Variants in PARP10 observed in about 807,000 individuals in gnomAD.
PARP10 encodes the protein protein mono-ADP-ribosyltransferase PARP10.
Under a neutral mutation model 82.4 loss-of-function variants are expected in PARP10, and 56 were observed. The observed-to-expected ratio is 0.68, with a 90% CI of 0.55 to 0.85. The LOEUF (loss-of-function observed/expected upper bound fraction) is 0.85. Ranked by LOEUF, PARP10 falls within the 40% of genes least tolerant of loss-of-function variation. The pLI is 0.00. For synonymous variants in PARP10, 576 were observed against 601.1 expected (o/e 0.96, Z 0.61); for missense variants, 1,227 against 1,379.4 (o/e 0.89, Z 1.75).
At chr8:143,980,750 A>T (rs1833832631) in intron 9 of PARP10, among the ~76,000 whole-genome samples, 1 of 152,178 alleles carries the variant, frequency 6.6e-6, no homozygotes, top group South Asian at 2.1e-4. Context: ...AAGAAAAGCC[A>T]TTAGCCTTGA....
upstream of PARP10, chr8:143,992,637 C>A (rs927161722): frequency 2.5e-6 from 4 of 1,613,822 alleles, no homozygotes; most frequent in Admixed American, 5.0e-5. Context: ...TGGCCGGGGG[C>A]GGGATGCTGG....
At chr8:143,999,118 T>G (rs893068142) in intron 1 of PARP10, among the ~76,000 whole-genome samples, 2 of 152,032 alleles carry the variant, frequency 1.3e-5, no homozygotes, top group African/African-American at 4.8e-5. Flanking sequence ...CATGGCTCAC[T>G]GCAGCCTCAA....
At chr8:143,981,360 G>A (rs1833851715) in intron 9 of PARP10, among the ~76,000 whole-genome samples, 1 of 124,400 alleles carries the variant, frequency 8.0e-6, no homozygotes, top group African/African-American at 2.9e-5. Context: ...TGGTGATGAT[G>A]GTGGTGACGA....
chr8:143,999,342 A>C (rs1216978241), intron 1 of PARP10, among the ~76,000 whole-genome samples: 1 of 151,990 alleles, frequency 6.6e-6, no homozygotes, highest in East Asian at 1.9e-4. Context: ...AGCTGGGACC[A>C]CAGGCATGCA....
At chr8:143,980,797 T>A (rs530616260) in intron 9 of PARP10, among the ~76,000 whole-genome samples, 1 of 152,286 alleles carries the variant, frequency 6.6e-6, no homozygotes, top group East Asian at 1.9e-4. Context: ...AGAATTTTAA[T>A]AACTAGGATT....
Position 143,985,082 on chromosome 8 carries a change from G to C in PARP10, c.920C>G (p.Ser307Cys), listed in dbSNP as rs782248310. Residue 307 changes from serine to cysteine, a missense_variant, in exon 5 of 11, where the codon TCT becomes TGT. By Grantham distance (112) the Ser-to-Cys change is moderately radical (BLOSUM62 -1). Coordinates refer to ENST00000313028, the MANE Select transcript of PARP10 (RefSeq NM_032789.5). The stretch of plus-strand genomic sequence containing the variant: ...CTGCACCATGGGACCTGTCCTCAGA[G>C]AGGCCCCTGACTGCCCTGGTTCCTC... ...SGEEPGQSGASLRTGPMVQGR... is the reference protein window; with the variant it reads ...SGEEPGQSGACLRTGPMVQGR... 6.2e-7 allele frequency: 1 copy of C among 1,613,940 alleles called. No individual in the cohort carries two copies. Among genetic ancestry groups the C allele is most frequent in the South Asian group, 1.1e-5 (1 of 91,086 alleles).
upstream of PARP10, chr8:143,992,001 GTCT>G (rs1310697764): frequency 6.2e-7 from 1 of 1,613,858 alleles, no homozygotes; most frequent in Admixed American, 1.7e-5. Context: ...CTCCTATGCT[GTCT>G]TCTTCATCTC....
chr8:143,994,563 T>A (rs377219941), upstream of PARP10, among the ~76,000 whole-genome samples: 775 of 152,300 alleles, frequency 5.1e-3, 5 homozygotes, highest in Middle Eastern at 0.014. Flanking sequence ...GTTGTCCTTT[T>A]GCCTCTCAGC....
intron 1 of PARP10, among the ~76,000 whole-genome samples, chr8:143,996,953 C>G (rs1449859204): frequency 6.6e-6 from 1 of 151,962 alleles, no homozygotes; most frequent in Middle Eastern, 3.2e-3. Flanking sequence ...GGTGATGGTG[C>G]AGGCAGGGAG....
intron 3 of PARP10, 31 bp downstream of exon 3, chr8:143,985,690 C>T (rs782276514): frequency 6.2e-7 from 1 of 1,602,572 alleles, no homozygotes; most frequent in East Asian, 2.2e-5. Flanking sequence ...TCCCCCCTAG[C>T]CAGCACCTCA....
intron 1 of PARP10, among the ~76,000 whole-genome samples, chr8:144,004,069 T>G (rs1834219696): frequency 6.6e-6 from 1 of 151,968 alleles, no homozygotes; most frequent in Non-Finnish European, 1.5e-5. Flanking sequence ...TCCCAGCACT[T>G]TGGGAAGCCA....
At position 143,984,327 on chromosome 8, in the gene PARP10, G is replaced by A. The variant is rs1288108201; in HGVS notation, c.1563C>T (p.Ala521=). ...HVLCLEHPGS[A]RFLLGPEGQH... is the part of the protein sequence containing the mutation. ...GCCCTTCTGGGCCCAGGAGAAACCT[G>A]GCGCTGCCCGGGTGCTCCAGGCACA... The change falls in exon 6 of 11, where the codon GCC becomes GCT. Residue 521 remains alanine, a synonymous_variant. Coordinates refer to ENST00000313028, the MANE Select transcript of PARP10 (RefSeq NM_032789.5). 1.2e-6 allele frequency: 2 copies of A among 1,613,782 alleles called. No individual in the cohort carries two copies. Among genetic ancestry groups the A allele is most frequent in the African/African-American group, 2.7e-5 (2 of 74,928 alleles).
At chr8:144,001,965 A>G (rs1834206369) in intron 1 of PARP10, among the ~76,000 whole-genome samples, 1 of 151,576 alleles carries the variant, frequency 6.6e-6, no homozygotes, top group African/African-American at 2.4e-5. Context: ...TTAAATATCA[A>G]AGTTCTTACC....
At chr8:143,999,508 ATTTTAT>A (rs1337961280) in intron 1 of PARP10, among the ~76,000 whole-genome samples, 1 of 151,926 alleles carries the variant, frequency 6.6e-6, no homozygotes, top group Non-Finnish European at 1.5e-5. Flanking sequence ...TCAGCTTAAT[ATTTTAT>A]TTTTATTTTT....
In PARP10 at chr8:144,008,707, C is replaced by A. The variant is rs1320766353; in HGVS notation, c.-80+3823G>T. 1.3e-5 allele frequency among the ~76,000 whole-genome samples: 2 copies of A among 152,194 alleles called. No homozygotes were observed. Among genetic ancestry groups the A allele is most frequent in the African/African-American group, 4.8e-5 (2 of 41,430 alleles). On this transcript the variant is annotated intron_variant, in intron 1 of 3. Transcript: ENST00000530478. The surrounding 1 kb of genome is among the most constrained non-coding windows in gnomAD (Gnocchi z 4.0). Reference sequence around the variant, plus strand: ...AGCAGCATAGAGAGGCCCAGTGTCTCTCACTCCCCAGACTCTAGCCCCCAG... The same window carrying A: ...AGCAGCATAGAGAGGCCCAGTGTCTATCACTCCCCAGACTCTAGCCCCCAG...
At chr8:143,980,556 T>C (rs932836412) in intron 9 of PARP10, among the ~76,000 whole-genome samples, 2 of 150,178 alleles carry the variant, frequency 1.3e-5, no homozygotes, top group African/African-American at 4.9e-5. Flanking sequence ...TATATTAATA[T>C]ATAAATGTAT....
chr8:143,977,749 T>C lies in PARP10; in HGVS notation c.2813A>G (p.Asp938Gly). 6.2e-7 allele frequency: 1 copy of C among 1,603,716 alleles called. No individual in the cohort carries two copies. Among genetic ancestry groups the C allele is most frequent in the Non-Finnish European group, 8.5e-7 (1 of 1,175,900 alleles). ...VQDRYSPPNA[D>G]GHKAVFVARV... ...TGCCACGAACACCGCCTTATGGCCA[T>C]CGGCGTTGGGGGGCGAGTAGCGGTC... Residue 938 changes from aspartate (D) to glycine (G), a missense_variant, in exon 11 of 11, where the codon GAT becomes GGT. By Grantham distance (94) the Asp-to-Gly change is moderately conservative. Coordinates refer to ENST00000313028, the MANE Select transcript of PARP10 (RefSeq NM_032789.5).
intron 1 of PARP10, among the ~76,000 whole-genome samples, chr8:143,997,967 TA>T (rs1325439567): frequency 1.1e-4 from 17 of 152,098 alleles, no homozygotes; most frequent in Admixed American, 7.2e-4. Flanking sequence ...TTTTTATTTT[TA>T]TTTTTGTAGA....
At chr8:143,986,287 C>T in intron 1 of PARP10, 54 bp from the exon 2 acceptor site, 1 of 1,613,414 alleles carries the variant, frequency 6.2e-7, no homozygotes, top group South Asian at 1.1e-5. Context: ...CCCTCCTGCC[C>T]CTCCCCAGGC....
Sources: allele counts gnomAD v4.1 joint callset (sites outside exome capture counted in the v4.1 genomes callset), GRCh38; gene constraint gnomAD v4.1.1; non-coding constraint Gnocchi (gnomAD v3.1); transcripts MANE v1.5; gene names NCBI Gene and HGNC (gene_info 2026-07-23, HGNC 2026-07-21).